Variants in AKAP7 observed in about 807,000 individuals in gnomAD.
AKAP7 encodes A kinase (PRKA) anchor protein 7.
AKAP7 carries 39 observed loss-of-function variants against 39.5 expected under a neutral mutation model. That is an observed-to-expected ratio of 0.99 (90% CI 0.76 to 1.29). The LOEUF is 1.29. AKAP7 is among the 50% of genes most tolerant of loss of function. AKAP7 has a pLI of 0.00. For missense variants in AKAP7, 414 were observed against 407.7 expected (o/e 1.02, Z -0.13); for synonymous variants, 140 against 139.1 (o/e 1.01, Z -0.05).
intron 6 of AKAP7, among the ~76,000 whole-genome samples, chr6:131,204,096 T>C (rs1435525258): frequency 6.6e-6 from 1 of 152,220 alleles, no homozygotes; most frequent in Non-Finnish European, 1.5e-5. Context: ...AAAATTGATA[T>C]GGCCCTTTGA....
chr6:131,185,221 G>A, intron 5 of AKAP7: 1 of 473,370 alleles, frequency 2.1e-6, no homozygotes, highest in Non-Finnish European at 4.0e-6. Context: ...AAAAATTGTG[G>A]ATCTTCACAG....
chr6:131,210,581 G>GC lies in AKAP7; in HGVS notation c.703-9079dup, dbSNP rs1425609141. On this transcript the variant is annotated intron_variant, in intron 6 of 7. Coordinates refer to ENST00000431975, the MANE Select transcript of AKAP7 (RefSeq NM_016377.4). ...AACTGTATCTTTATACTGTCCCTAA[G>GC]CTGAAGACCAGAGTATGAAACTACC... Among the ~76,000 whole-genome samples, 7 of 152,344 alleles carry GC rather than the reference G, an allele frequency of 4.6e-5. No homozygotes were observed. In the East Asian group the frequency reaches 1.3e-3, roughly 29 times the overall value.
chr6:131,273,239 C>G (rs1358962), intron 7 of AKAP7, among the ~76,000 whole-genome samples: 75,823 of 151,776 alleles, frequency 0.5, 19,214 homozygotes, highest in African/African-American at 0.55. Context: ...TTTTTTGGTA[C>G]ACATCATAGT....
the AKAP7 span, among the ~76,000 whole-genome samples, chr6:131,126,069 T>C: frequency 2.0e-5 from 3 of 152,240 alleles, no homozygotes. Flanking sequence ...CTCTCTCCAA[T>C]TGGCATTGTG....
chr6:131,207,572 C>T (rs1207348903), intron 6 of AKAP7, among the ~76,000 whole-genome samples: 6 of 139,926 alleles, frequency 4.3e-5, no homozygotes, highest in African/African-American at 8.1e-5. Context: ...TGGCCTTAAA[C>T]GATCCTCACA....
chr6:131,276,451 G>A lies in AKAP7; in HGVS notation c.851-5079G>A, dbSNP rs144131620. On this transcript the variant is annotated intron_variant, in intron 7 of 7. Coordinates refer to ENST00000431975, the MANE Select transcript of AKAP7 (RefSeq NM_016377.4). ...TCCTCACAGATCAGTTGCAGGTAGT[G>A]TGCAAGGCAGCCGAGTATGCCATCC... is the stretch of plus-strand genomic sequence containing the variant. 7.5e-3 allele frequency among the ~76,000 whole-genome samples: 1,135 copies of A among 152,136 alleles called. 5 individuals are homozygous for A. The highest frequency in any genetic ancestry group is 0.013 in the Non-Finnish European group (875 of 68,012).
intron 7 of AKAP7, among the ~76,000 whole-genome samples, chr6:131,226,202 GC>G (rs1479993152): frequency 6.6e-6 from 1 of 152,174 alleles, no homozygotes; most frequent in Non-Finnish European, 1.5e-5. Flanking sequence ...GCTCCTGAGA[GC>G]ATCTGAGTTT....
intron 5 of AKAP7, among the ~76,000 whole-genome samples, chr6:131,189,357 C>G (rs1806180081): frequency 6.6e-6 from 1 of 152,138 alleles, no homozygotes; most frequent in African/African-American, 2.4e-5. Context: ...GCATTCTAGA[C>G]TATTCTTATT....
intron 7 of AKAP7, among the ~76,000 whole-genome samples, chr6:131,246,041 G>A (rs1811975316): frequency 6.6e-6 from 1 of 150,800 alleles, no homozygotes; most frequent in Admixed American, 6.6e-5. Flanking sequence ...CTTACAGCAA[G>A]GTTTGCTTTT....
intron 7 of AKAP7, among the ~76,000 whole-genome samples, chr6:131,238,901 A>G (rs1194857644): frequency 1.3e-5 from 2 of 152,182 alleles, no homozygotes; most frequent in African/African-American, 4.8e-5. Context: ...CATTTAGCCC[A>G]TTTACATTTA....
chr6:131,174,552 C>T (rs1804394086), intron 5 of AKAP7, among the ~76,000 whole-genome samples: 1 of 152,194 alleles, frequency 6.6e-6, no homozygotes, highest in Non-Finnish European at 1.5e-5. Context: ...ATGATTGTGC[C>T]ACTACACTCT....
intron 2 of AKAP7, among the ~76,000 whole-genome samples, chr6:131,147,488 C>G (rs1224185368): frequency 1.3e-5 from 2 of 152,296 alleles, no homozygotes; most frequent in East Asian, 3.9e-4. Flanking sequence ...TTGTGAGTTT[C>G]ACGGCTGTTG....
intron 5 of AKAP7, among the ~76,000 whole-genome samples, chr6:131,197,363 A>G (rs1807040501): frequency 6.6e-6 from 1 of 152,140 alleles, no homozygotes; most frequent in East Asian, 1.9e-4. Context: ...ATGCTTGTAT[A>G]GCCTAAATTT....
chr6:131,164,916 T>A (rs1430109603), intron 3 of AKAP7, among the ~76,000 whole-genome samples, 165 bp from the exon 4 acceptor site: 1 of 152,196 alleles, frequency 6.6e-6, no homozygotes, highest in Non-Finnish European at 1.5e-5. Context: ...CAACTATCTG[T>A]TTGAGAACAA....
At chr6:131,153,500 T>G (rs895148090) in intron 2 of AKAP7, among the ~76,000 whole-genome samples, 8 of 152,236 alleles carry the variant, frequency 5.3e-5, no homozygotes, top group Non-Finnish European at 8.8e-5. Flanking sequence ...TTAGAGTTGT[T>G]ATATGTTATA....
upstream of AKAP7, among the ~76,000 whole-genome samples, chr6:131,133,305 G>A (rs1008488259): frequency 2.0e-5 from 3 of 152,074 alleles, no homozygotes; most frequent in Admixed American, 2.0e-4. Flanking sequence ...ATAATTACAG[G>A]TGTTATCCTT....
chr6:131,250,851 C>G (rs190448134), intron 7 of AKAP7, among the ~76,000 whole-genome samples: 4 of 152,268 alleles, frequency 2.6e-5, no homozygotes, highest in African/African-American at 9.6e-5. Flanking sequence ...AAACTCATTT[C>G]TGATTCTCCT....
At chr6:131,205,918 A>G (rs767586308) in intron 6 of AKAP7, among the ~76,000 whole-genome samples, 40 of 152,214 alleles carry the variant, frequency 2.6e-4, no homozygotes, top group Non-Finnish European at 3.2e-4. Context: ...TTTTTTCAGA[A>G]TTTAGTTGAC....
At chr6:131,126,712 C>G in the AKAP7 span, among the ~76,000 whole-genome samples, 1 of 152,276 alleles carries the variant, frequency 6.6e-6, no homozygotes, top group East Asian at 1.9e-4. Context: ...GCCACACTAC[C>G]TGAATCCTAG....
Sources: gnomAD v4.1 joint callset for allele counts (sites outside exome capture counted in the v4.1 genomes callset) on GRCh38, gnomAD v4.1.1 for gene constraint, MANE v1.5 for transcripts, NCBI Gene and HGNC (gene_info 2026-07-23, HGNC 2026-07-21) for gene names.